The following SGK1 variants were observed in gnomAD, a reference collection of about 807,000 sequenced individuals.
SGK1 encodes serum/glucocorticoid regulated kinase 1.
A neutral mutation model predicts 64.2 loss-of-function variants in SGK1; 26 were observed. The observed-to-expected ratio is 0.40, with a 90% confidence interval of 0.30 to 0.56. SGK1 has a LOEUF of 0.56. Among genes scored for constraint, SGK1 ranks in the 20% least tolerant of loss-of-function variants. SGK1 has a pLI of 0.38. For synonymous variants in SGK1, 265 were observed against 239.7 expected (o/e 1.11, Z -0.98); for missense variants, 519 against 645.6 (o/e 0.80, Z 2.12).
At chr6:134,177,818 G>A in intron 3 of SGK1, 1 of 1,612,604 alleles carries the variant, frequency 6.2e-7, no homozygotes, top group Non-Finnish European at 8.5e-7. Context: ...ACTCTGAGAT[G>A]ACATGAGAGC....
intron 2 of SGK1, among the ~76,000 whole-genome samples, chr6:134,220,058 C>CAAAAAA (rs55870107): frequency 2.3e-3 from 143 of 61,352 alleles, no homozygotes; most frequent in African/African-American, 0.012. Flanking sequence ...GACTCCGTCT[C>CAAAAAA]AAAAAAAAAA....
chr6:134,261,699 C>A, intron 2 of SGK1: 1 of 610,468 alleles, frequency 1.6e-6, no homozygotes. Flanking sequence ...TATGGGTAAT[C>A]TCTGTACCTT....
At chr6:134,246,681 C>T (rs994842004) in intron 2 of SGK1, among the ~76,000 whole-genome samples, 1 of 151,306 alleles carries the variant, frequency 6.6e-6, no homozygotes, top group African/African-American at 2.4e-5. Context: ...CAAACTCCAC[C>T]TACCGGGTTC....
chr6:134,241,884 T>C (rs970832865), intron 2 of SGK1, among the ~76,000 whole-genome samples: 6 of 151,962 alleles, frequency 3.9e-5, no homozygotes, highest in Non-Finnish European at 7.4e-5. Context: ...CCTCCCAAAG[T>C]GCTGGGATTA....
At chr6:134,203,658 G>T (rs1031369166) in intron 3 of SGK1, among the ~76,000 whole-genome samples, 4 of 152,184 alleles carry the variant, frequency 2.6e-5, no homozygotes, top group African/African-American at 9.7e-5. Flanking sequence ...GATTGGACTG[G>T]CTGTATCTAT....
intron 3 of SGK1, chr6:134,177,897 G>T: frequency 6.7e-7 from 1 of 1,488,298 alleles, no homozygotes; most frequent in Non-Finnish European, 9.0e-7. Context: ...TTAAGTACAG[G>T]AAGGGAGCAA....
intron 1 of SGK1, among the ~76,000 whole-genome samples, chr6:134,277,177 G>C (rs1305607537): frequency 6.6e-6 from 1 of 151,990 alleles, no homozygotes; most frequent in Non-Finnish European, 1.5e-5. Context: ...ACAAAAATTA[G>C]CTGGTGTGGT....
intron 1 of SGK1, among the ~76,000 whole-genome samples, chr6:134,311,949 A>G (rs763613225): frequency 1.3e-5 from 2 of 152,194 alleles, no homozygotes; most frequent in Non-Finnish European, 2.9e-5. Flanking sequence ...CTACCTCTTC[A>G]TAGCTAAGGC....
At chr6:134,189,223 T>TGTGC (rs1554219565) in intron 3 of SGK1, among the ~76,000 whole-genome samples, 11 of 149,822 alleles carry the variant, frequency 7.3e-5, no homozygotes, top group African/African-American at 2.0e-4. Flanking sequence ...TGTGTGTGTG[T>TGTGC]GTGTGCGTGT....
chr6:134,177,885 A>G (rs1206313972), intron 3 of SGK1: 1 of 1,529,170 alleles, frequency 6.5e-7, no homozygotes, highest in East Asian at 2.4e-5. Flanking sequence ...TATCAAGGCA[A>G]TTTAAGTACA....
chr6:134,250,800 G>C (rs966814143), intron 2 of SGK1, among the ~76,000 whole-genome samples: 1 of 151,962 alleles, frequency 6.6e-6, no homozygotes, highest in Non-Finnish European at 1.5e-5. Flanking sequence ...TTGAAACAGG[G>C]TCTCACTCTG....
chr6:134,277,477 G>A (rs556498229), intron 1 of SGK1, among the ~76,000 whole-genome samples: 91 of 152,290 alleles, frequency 6.0e-4, no homozygotes, highest in Non-Finnish European at 1.2e-3. Flanking sequence ...AATGGAGCAC[G>A]AAATGACCAG....
At chr6:134,251,189 A>G (rs1341520412) in intron 2 of SGK1, among the ~76,000 whole-genome samples, 1 of 152,210 alleles carries the variant, frequency 6.6e-6, no homozygotes, top group African/African-American at 2.4e-5. Context: ...CAAGAAAAAT[A>G]TATGTATAAT....
chr6:134,236,865 G>GC (rs1324694262), intron 2 of SGK1, among the ~76,000 whole-genome samples: 1 of 151,974 alleles, frequency 6.6e-6, no homozygotes, highest in Non-Finnish European at 1.5e-5. Context: ...CTATGAACTC[G>GC]CAAGTGTTAA....
At chr6:134,175,431 G>T in intron 3 of SGK1, 1 of 1,308,552 alleles carries the variant, frequency 7.6e-7, no homozygotes, top group South Asian at 2.1e-5. Context: ...AGGTCCTCCC[G>T]TTCCCGCCGC....
chr6:134,248,840 T>C lies in SGK1; in HGVS notation c.285+13093A>G, dbSNP rs549441865. Among the ~76,000 whole-genome samples, 13 of 152,306 alleles carry C rather than the reference T, an allele frequency of 8.5e-5. No homozygotes were observed. In the South Asian group the frequency reaches 2.7e-3, roughly 32 times the overall value. ...GAACTACAGTTTATAATCCATTGCC[T>C]CACATCCAAAGTGCTTCCTCTCCCT... On this transcript the variant is annotated intron_variant, in intron 2 of 13. Transcript: ENST00000367858.
At position 134,229,754 on chromosome 6, in the gene SGK1, G is replaced by A. The variant is rs2114711679; in HGVS notation, c.286-22323C>T. 2.0e-5 allele frequency among the ~76,000 whole-genome samples: 3 copies of A among 152,274 alleles called. No homozygotes were observed. In the South Asian group the frequency reaches 6.2e-4, roughly 32 times the overall value. On this transcript the variant is annotated intron_variant, in intron 2 of 13. Transcript: ENST00000367858. ...GGTGAGTTCCTCTTTGTTTGTGTGT[G>A]TGCCCAGGTGCTCACATGTACATCT...
chr6:134,249,156 C>A (rs1776569501), intron 2 of SGK1, among the ~76,000 whole-genome samples: 1 of 152,168 alleles, frequency 6.6e-6, no homozygotes, highest in Non-Finnish European at 1.5e-5. Flanking sequence ...AAGTCAGAAA[C>A]CTTAATCCAA....
At chr6:134,228,963 C>T (rs1776233538) in intron 2 of SGK1, among the ~76,000 whole-genome samples, 1 of 152,030 alleles carries the variant, frequency 6.6e-6, no homozygotes, top group Non-Finnish European at 1.5e-5. Flanking sequence ...CCTGCCTCAG[C>T]CTCCTGAGTA....
Sources: allele counts gnomAD v4.1 joint callset (sites outside exome capture counted in the v4.1 genomes callset), GRCh38; gene constraint gnomAD v4.1.1; transcripts MANE v1.5; gene names NCBI Gene and HGNC (gene_info 2026-07-23, HGNC 2026-07-21).